The following BMERB1 variants were observed in gnomAD, a reference collection of about 807,000 sequenced individuals.
The protein encoded by BMERB1 is bMERB domain containing 1, also known as bMERB domain-containing protein 1.
A neutral mutation model predicts 23.6 loss-of-function variants in BMERB1; 12 were observed. The ratio of observed to expected loss-of-function variants is 0.51; its 90% CI spans 0.33 to 0.82. The LOEUF (loss-of-function observed/expected upper bound fraction) is 0.82, where lower values mean the gene tolerates loss of function less well. Ranked by LOEUF, BMERB1 falls within the 40% of genes least tolerant of loss-of-function variation. The pLI, the probability that BMERB1 is intolerant of heterozygous loss-of-function variation, is 0.03. For missense variants in BMERB1, 247 were observed against 255.4 expected (o/e 0.97, Z 0.22); for synonymous variants, 122 against 96.6 (o/e 1.26, Z -1.54).
At chr16:15,508,307 G>C (rs2051616987) in intron 1 of BMERB1, among the ~76,000 whole-genome samples, 1 of 152,112 alleles carries the variant, frequency 6.6e-6, no homozygotes, top group African/African-American at 2.4e-5. Flanking sequence ...CCAGGGAAGG[G>C]GTTGGCCAAC....
chr16:15,459,571 TTA>T (rs1032550159), intron 1 of BMERB1, among the ~76,000 whole-genome samples: 3 of 152,126 alleles, frequency 2.0e-5, no homozygotes, highest in African/African-American at 4.8e-5. Flanking sequence ...AATACAACAA[TTA>T]TATATGTGTC....
chr16:15,457,249 CTAAT>C (rs550263716), intron 1 of BMERB1, among the ~76,000 whole-genome samples: 57 of 152,308 alleles, frequency 3.7e-4, no homozygotes, highest in Admixed American at 1.2e-3. Flanking sequence ...TAAATTAAAA[CTAAT>C]TAACTTGAGG....
chr16:15,462,345 G>A (rs549036905), intron 1 of BMERB1, among the ~76,000 whole-genome samples: 2 of 151,800 alleles, frequency 1.3e-5, no homozygotes, highest in Non-Finnish European at 1.5e-5. Context: ...GTAGGGACAG[G>A]GTTTCACTAT....
In BMERB1 at chr16:15,444,132, T is replaced by G. The variant is rs1030244609; in HGVS notation, c.106+9373T>G. Among the ~76,000 whole-genome samples the G allele has an allele frequency of 2.4e-4, 27 of 114,176 alleles. 2 individuals are homozygous for G. The highest frequency in any genetic ancestry group is 4.5e-4 in the African/African-American group (14 of 31,256). The allele number at this position is 114,176 out of a possible 152,430, so 74.9% of individuals were successfully genotyped here. A position where few individuals can be genotyped will look rare whatever the true frequency, so the allele number is the denominator to read the frequency against. ...TCCAGGCACCAGCTTTGTTTTTTTTTTTTTTTTTTTTTTTTTTTGGCTGTT... is the reference window on the plus strand; with the variant it reads ...TCCAGGCACCAGCTTTGTTTTTTTTGTTTTTTTTTTTTTTTTTTGGCTGTT... On this transcript the variant is annotated intron_variant, in intron 1 of 5. Coordinates refer to ENST00000300006, the MANE Select transcript of BMERB1 (RefSeq NM_033201.3).
chr16:15,517,423 A>C (rs2051775585), intron 2 of BMERB1, among the ~76,000 whole-genome samples: 1 of 152,164 alleles, frequency 6.6e-6, no homozygotes, highest in Admixed American at 6.5e-5. Context: ...AGGCACAAGA[A>C]TCATTTGAAC....
intron 1 of BMERB1, among the ~76,000 whole-genome samples, chr16:15,461,039 C>T (rs190945769): frequency 3.3e-5 from 5 of 151,534 alleles, no homozygotes; most frequent in Admixed American, 2.6e-4. Context: ...GCAGGAGGAT[C>T]GCTTGAACCC....
chr16:15,449,665 C>A (rs755860335), intron 1 of BMERB1, among the ~76,000 whole-genome samples: 41 of 152,124 alleles, frequency 2.7e-4, no homozygotes, highest in Middle Eastern at 3.4e-3. Flanking sequence ...CCTGCCTCAG[C>A]CTGCTGAGTA....
At chr16:15,531,806 C>T (rs2051970619) in intron 2 of BMERB1, among the ~76,000 whole-genome samples, 1 of 152,172 alleles carries the variant, frequency 6.6e-6, no homozygotes, top group Non-Finnish European at 1.5e-5. Flanking sequence ...AAGGGCTTGT[C>T]CCTATCACGT....
At chr16:15,522,725 G>A (rs1390216701) in intron 2 of BMERB1, among the ~76,000 whole-genome samples, 1 of 152,052 alleles carries the variant, frequency 6.6e-6, no homozygotes, top group Non-Finnish European at 1.5e-5. Context: ...GTGTGATGTC[G>A]GAGTGGCTCG....
chr16:15,553,081 C>T (rs761471408), intron 2 of BMERB1, among the ~76,000 whole-genome samples: 1 of 152,166 alleles, frequency 6.6e-6, no homozygotes, highest in Non-Finnish European at 1.5e-5. Flanking sequence ...GATCTCAGCT[C>T]ACTGAAACCT....
intron 2 of BMERB1, among the ~76,000 whole-genome samples, chr16:15,528,266 G>C (rs1227284230): frequency 2.6e-5 from 4 of 152,096 alleles, no homozygotes; most frequent in Non-Finnish European, 5.9e-5. Context: ...GATCTCCAGA[G>C]AGGAAGGGCA....
At chr16:15,528,095 C>T (rs1204491792) in intron 2 of BMERB1, among the ~76,000 whole-genome samples, 2 of 152,100 alleles carry the variant, frequency 1.3e-5, no homozygotes, top group African/African-American at 4.8e-5. Context: ...TTAGTCCGTT[C>T]CTGTTGCTGT....
At chr16:15,554,929 G>A (rs571859311) in intron 2 of BMERB1, among the ~76,000 whole-genome samples, 1 of 152,248 alleles carries the variant, frequency 6.6e-6, no homozygotes, top group Admixed American at 6.5e-5. Context: ...GCCTCCCAAA[G>A]TGCTGGGATT....
intron 3 of BMERB1, among the ~76,000 whole-genome samples, chr16:15,571,646 C>T (rs1234980488): frequency 1.3e-5 from 2 of 152,160 alleles, no homozygotes; most frequent in African/African-American, 4.8e-5. Context: ...TGAGCCACCA[C>T]ACCCAGCCAA....
At chr16:15,501,647 GTA>G (rs2150943432) in intron 1 of BMERB1, among the ~76,000 whole-genome samples, 1 of 152,254 alleles carries the variant, frequency 6.6e-6, no homozygotes, top group East Asian at 1.9e-4. Flanking sequence ...GCTAATTTTT[GTA>G]TTTTTAGGAA....
At chr16:15,515,459 G>A (rs761509745) in intron 2 of BMERB1, 31 bp downstream of exon 2, 7 of 1,608,702 alleles carry the variant, frequency 4.4e-6, no homozygotes, top group South Asian at 1.1e-5. Context: ...GCCAAGGAAA[G>A]AAGTGTGTGG....
At chr16:15,473,895 G>A (rs1054227495) in intron 1 of BMERB1, among the ~76,000 whole-genome samples, 5 of 151,994 alleles carry the variant, frequency 3.3e-5, no homozygotes, top group Admixed American at 2.6e-4. Context: ...CGAGGCAGGC[G>A]GATCATGAGG....
intron 1 of BMERB1, among the ~76,000 whole-genome samples, chr16:15,514,727 G>T (rs1003801936): frequency 6.6e-6 from 1 of 152,074 alleles, no homozygotes; most frequent in Non-Finnish European, 1.5e-5. Context: ...GCAGTGAGCT[G>T]AGATTGAGAT....
rs539329736 is a variant in BMERB1, at chr16:15,481,654, G to A, written c.107-33651G>A. On this transcript the variant is annotated intron_variant, in intron 1 of 5. Transcript: ENST00000300006. ...CTTTCCTTTTTAAAACCTACTTCTA[G>A]ATTGTCTGCATTTTCTATAACAAGA... Among the ~76,000 whole-genome samples the A allele has an allele frequency of 7.2e-5, 11 of 152,056 alleles. No individual in the cohort carries two copies. In the South Asian group the frequency reaches 2.3e-3, roughly 32 times the overall value.
Sources: gnomAD v4.1 joint callset for allele counts (sites outside exome capture counted in the v4.1 genomes callset) on GRCh38, gnomAD v4.1.1 for gene constraint, MANE v1.5 for transcripts, NCBI Gene and HGNC (gene_info 2026-07-23, HGNC 2026-07-21) for gene names.